DYM: variants seen among roughly 807,000 people sequenced by gnomAD.
The protein encoded by DYM is dyggve-Melchior-Clausen syndrome protein.
Under a neutral mutation model 93.1 loss-of-function variants are expected in DYM, and 78 were observed. The ratio of observed to expected loss-of-function variants is 0.84; its 90% CI spans 0.70 to 1.01. DYM has a LOEUF of 1.01. DYM is among the 50% of genes least tolerant of loss of function. The pLI is 0.00. For missense variants in DYM, 789 were observed against 845.0 expected, an observed-to-expected ratio of 0.93 and a Z score of 0.82; for synonymous variants, 321 against 319.7, an observed-to-expected ratio of 1.00 and a Z score of -0.04.
intron 14 of DYM, among the ~76,000 whole-genome samples, chr18:49,189,787 G>A (rs1469403879): frequency 1.3e-5 from 2 of 152,126 alleles, no homozygotes; most frequent in East Asian, 1.9e-4. Flanking sequence ...TAGATGGTGA[G>A]GGTGAAATAA....
intron 11 of DYM, among the ~76,000 whole-genome samples, chr18:49,265,130 C>T (rs1258966201): frequency 6.6e-6 from 1 of 152,110 alleles, no homozygotes; most frequent in Non-Finnish European, 1.5e-5. Flanking sequence ...TGCTATAAAT[C>T]GCAGGCTGTC....
chr18:49,062,146 C>G (rs1599444754), intron 17 of DYM, among the ~76,000 whole-genome samples: 1 of 152,128 alleles, frequency 6.6e-6, no homozygotes, highest in Non-Finnish European at 1.5e-5. Context: ...AATTCTCCTG[C>G]CTTTATCTTC....
intron 1 of DYM, among the ~76,000 whole-genome samples, chr18:49,457,566 T>C (rs2083096274): frequency 6.6e-6 from 1 of 152,226 alleles, no homozygotes. Context: ...TCTACAATCC[T>C]AAGTAAAAGA....
At position 49,289,794 on chromosome 18, in the gene DYM, C is replaced by CACAT. The variant is rs1386852853; in HGVS notation, c.764-3179_764-3178insATGT. Reference sequence around the variant, plus strand: ...ATATACACATATATATATATACACACATATATATATATATACACATATATA... The same window carrying CACAT: ...ATATACACATATATATATATACACACACATATATATATATATATACACATATATA... On this transcript the variant is annotated intron_variant, in intron 8 of 17. Coordinates refer to ENST00000675505, the MANE Select transcript of DYM (RefSeq NM_001353214.3). 3.8e-3 allele frequency among the ~76,000 whole-genome samples: 264 copies of CACAT among 68,880 alleles called. 10 individuals carry two copies. Among genetic ancestry groups the CACAT allele is most frequent in the African/African-American group, 9.6e-3 (222 of 23,218 alleles). The allele number at this position is 68,880 out of a possible 152,430, so 45.2% of individuals were successfully genotyped here.
At chr18:49,284,556 C>T (rs2095075287) in intron 9 of DYM, among the ~76,000 whole-genome samples, 1 of 152,084 alleles carries the variant, frequency 6.6e-6, no homozygotes, top group Non-Finnish European at 1.5e-5. Flanking sequence ...AAAGACTTAC[C>T]TTGCTTGGTC....
intron 14 of DYM, among the ~76,000 whole-genome samples, chr18:49,204,400 T>C (rs946938453): frequency 7.2e-5 from 11 of 152,190 alleles, no homozygotes; most frequent in African/African-American, 2.7e-4. Context: ...ACACTAAACT[T>C]AGCCCTTCAT....
chr18:49,054,348 T>A (rs1161149863), intron 17 of DYM, among the ~76,000 whole-genome samples: 5 of 152,146 alleles, frequency 3.3e-5, no homozygotes, highest in African/African-American at 1.2e-4. Flanking sequence ...TTTAAGTGAT[T>A]CTCCTGCCTC....
chr18:49,064,000 G>A (rs1262450016), intron 17 of DYM, among the ~76,000 whole-genome samples: 1 of 151,954 alleles, frequency 6.6e-6, no homozygotes, highest in East Asian at 1.9e-4. Context: ...TAGACATTGG[G>A]AAAAAATCTG....
intron 11 of DYM, among the ~76,000 whole-genome samples, chr18:49,269,925 A>C (rs1225404462): frequency 2.6e-5 from 4 of 152,210 alleles, no homozygotes; most frequent in Non-Finnish European, 4.4e-5. Context: ...CCAGTCCTGC[A>C]AGTTCCATTC....
intron 14 of DYM, among the ~76,000 whole-genome samples, chr18:49,164,738 A>G (rs1470673880): frequency 2.0e-5 from 3 of 152,220 alleles, no homozygotes; most frequent in Non-Finnish European, 4.4e-5. Context: ...GATTTTGGGG[A>G]CCATAACAGA....
intron 8 of DYM, among the ~76,000 whole-genome samples, chr18:49,289,763 A>G (rs2059964516): frequency 3.4e-5 from 2 of 58,496 alleles, no homozygotes; most frequent in East Asian, 9.3e-4. Context: ...ATATATATAT[A>G]TATATATATA....
intron 6 of DYM, among the ~76,000 whole-genome samples, chr18:49,353,811 T>C (rs1188183243): frequency 6.6e-6 from 1 of 152,078 alleles, no homozygotes; most frequent in Non-Finnish European, 1.5e-5. Flanking sequence ...TCTATATTCA[T>C]GGATAGAAAG....
At chr18:49,388,111 G>A (rs955676999) in intron 3 of DYM, among the ~76,000 whole-genome samples, 5 of 152,124 alleles carry the variant, frequency 3.3e-5, no homozygotes, top group African/African-American at 1.2e-4. Flanking sequence ...GGGCCAAGGT[G>A]GGAGGATCAC....
In DYM at chr18:49,209,716, C is replaced by A. The variant is rs2092691585; in HGVS notation, c.1461-1G>T. On this transcript the variant is annotated splice_acceptor_variant, in intron 13 of 17. Coordinates refer to ENST00000675505, the MANE Select transcript of DYM (RefSeq NM_001353214.3). LOFTEE classifies it high-confidence loss of function. Reference sequence around the variant, plus strand: ...TCTCCGCAAGTGGCGGCAGGTATAACTGAAAGACAAAGGTAAAAGGAGAGA... The same window carrying A: ...TCTCCGCAAGTGGCGGCAGGTATAAATGAAAGACAAAGGTAAAAGGAGAGA... 2 of 1,264,608 alleles carry A rather than the reference C, an allele frequency of 1.6e-6. No individual in the cohort carries two copies. The highest frequency in any genetic ancestry group is 2.1e-6 in the Non-Finnish European group (2 of 974,702). The allele number at this position is 1,264,608 out of a possible 1,614,324, so 78.3% of individuals were successfully genotyped here.
chr18:49,166,682 T>C (rs949440889), intron 14 of DYM, among the ~76,000 whole-genome samples: 2 of 152,090 alleles, frequency 1.3e-5, no homozygotes, highest in African/African-American at 4.8e-5. Context: ...AAATCAGTAA[T>C]ACGCTTCTAA....
At chr18:49,216,771 G>C (rs537598583) in intron 13 of DYM, among the ~76,000 whole-genome samples, 1 of 152,190 alleles carries the variant, frequency 6.6e-6, no homozygotes, top group South Asian at 2.1e-4. Context: ...CATCATCAAA[G>C]ACCAAAAGTA....
At chr18:49,187,946 C>T (rs1178874399) in intron 14 of DYM, among the ~76,000 whole-genome samples, 1 of 152,114 alleles carries the variant, frequency 6.6e-6, no homozygotes, top group African/African-American at 2.4e-5. Context: ...CGTTATAAAT[C>T]AATAAGGCCA....
In DYM at chr18:49,227,694, G is replaced by T. The variant is rs79943003; in HGVS notation, c.1461-17979C>A. 4.9e-3 allele frequency among the ~76,000 whole-genome samples: 748 copies of T among 152,220 alleles called. 3 individuals carry two copies. Among genetic ancestry groups the T allele is most frequent in the Non-Finnish European group, 8.4e-3 (572 of 67,990 alleles). Reference sequence around the variant, plus strand: ...TCAGAAATTGAAGCTTGCTGAGGTGGATGGGTGGAGATGAAAAGACTGATC... The same window carrying T: ...TCAGAAATTGAAGCTTGCTGAGGTGTATGGGTGGAGATGAAAAGACTGATC... On this transcript the variant is annotated intron_variant, in intron 13 of 17. Transcript: ENST00000675505.
At chr18:49,143,644 TA>T (rs1262254428) in intron 15 of DYM, among the ~76,000 whole-genome samples, 2 of 152,122 alleles carry the variant, frequency 1.3e-5, no homozygotes, top group African/African-American at 4.8e-5. Context: ...TTATTTAACT[TA>T]AAAAAATTGT....
Sources: allele counts gnomAD v4.1 joint callset (sites outside exome capture counted in the v4.1 genomes callset), GRCh38; gene constraint gnomAD v4.1.1; transcripts MANE v1.5; gene names NCBI Gene and HGNC (gene_info 2026-07-23, HGNC 2026-07-21).